BTNL2: variants seen among roughly 807,000 people sequenced by gnomAD.
The protein encoded by BTNL2 is butyrophilin like 2.
BTNL2 carries 46 observed loss-of-function variants against 46.8 expected under a neutral mutation model. The observed-to-expected ratio is 0.98, with a 90% CI of 0.78 to 1.26. The LOEUF is 1.26. Ranked by LOEUF, BTNL2 falls within the 50% of genes most tolerant of loss-of-function variation. The pLI, the probability that BTNL2 is intolerant of heterozygous loss-of-function variation, is 0.00. For missense variants in BTNL2, 461 were observed against 592.6 expected (o/e 0.78, Z 2.31); for synonymous variants, 226 against 229.1 (o/e 0.99, Z 0.12).
rs138737580 is a variant in BTNL2, at chr6:32,402,281, A to G, written c.710-476T>C. Among the ~76,000 whole-genome samples the G allele has an allele frequency of 5.3e-3, 809 of 152,310 alleles. 9 individuals carry two copies. The highest frequency in any genetic ancestry group is 0.018 in the African/African-American group (764 of 41,564). On this transcript the variant is annotated intron_variant, in intron 3 of 7. Coordinates refer to ENST00000454136, the MANE Select transcript of BTNL2 (RefSeq NM_001304561.2). ...TATGAATAACTGTATACTTATATCC[A>G]AATGTGGAGGGTATCCTGAAAGTTT...
At chr6:32,404,728 G>A (rs1160518920) in intron 2 of BTNL2, among the ~76,000 whole-genome samples, 1 of 152,168 alleles carries the variant, frequency 6.6e-6, no homozygotes, top group Non-Finnish European at 1.5e-5. Context: ...CTCAAGAACA[G>A]TCAAAACTGT....
Position 32,404,999 on chromosome 6 carries a change from A to C in BTNL2, c.367T>G (p.Trp123Gly). The C allele has an allele frequency of 6.2e-7, 1 of 1,613,122 alleles. No homozygotes were observed. ...TAGTTCCCATCCTGGAAATGGCACC[A>C]GTATTGTCCATTGTCGGAGGGCTGG... ...NIQPSDNGQYWCHFQDGNYCG... is the reference protein window; with the variant it reads ...NIQPSDNGQYGCHFQDGNYCG... Residue 123 changes from tryptophan (W) to glycine (G), a missense_variant, in exon 2 of 8, where the codon TGG becomes GGG. Coordinates refer to ENST00000454136, the MANE Select transcript of BTNL2 (RefSeq NM_001304561.2).
In BTNL2 at chr6:32,394,038, C is replaced by T. The variant is rs1031476031; in HGVS notation, c.1380G>A (p.Leu460=). The T allele has an allele frequency of 7.7e-6, 12 of 1,550,030 alleles. No homozygotes were observed. The Admixed American group carries it at 2.2e-4, about 28-fold the overall frequency. Residue 460 remains leucine, a synonymous_variant, in exon 7 of 8, where the codon TTG becomes TTA. Transcript: ENST00000454136. The surrounding 1 kb of genome is among the most constrained non-coding windows in gnomAD (Gnocchi z 4.6). ...ATCCCCAAACAAGCAGTGTTTTCCA[C>T]AAAAACGTCATCCTGGACTCTAAAA... ...FSLSESRMTF[L]WKTLLVWGLL... is the part of the protein sequence containing the mutation.
chr6:32,393,961 A>AG lies in BTNL2; in HGVS notation c.*6+1_*6+2insC. ...TCCGCTGTTTCTGTTTCCCTGACTT[A>AG]CCTCTTTTCAGCTCCTCTTCCTGGG... On this transcript the variant is annotated splice_donor_variant, in intron 7 of 7. Transcript: ENST00000454136. LOFTEE classifies it low-confidence loss of function (3UTR_SPLICE). The surrounding 1 kb of genome is among the most constrained non-coding windows in gnomAD (Gnocchi z 4.8). 1 of 1,545,268 alleles carries AG rather than the reference A, an allele frequency of 6.5e-7. No homozygotes were observed. The highest frequency in any genetic ancestry group is 8.7e-7 in the Non-Finnish European group (1 of 1,145,020).
In BTNL2 at chr6:32,405,093, G is replaced by T; in HGVS notation, c.273C>A (p.Tyr91Ter). 1 of 1,612,990 alleles carries T rather than the reference G, an allele frequency of 6.2e-7. No homozygotes were observed. Among genetic ancestry groups the T allele is most frequent in the Non-Finnish European group, 8.5e-7 (1 of 1,180,030 alleles). The change falls in exon 2 of 8, where the codon TAC becomes TAA. Residue 91 changes from tyrosine to a stop codon, truncating the protein, a stop_gained. Transcript: ENST00000454136. LOFTEE classifies it high-confidence loss of function. ...VEVTEMQMEE[Y>*]RGWVEWIENG... is the part of the protein sequence containing the mutation. ...TCTCTATCCACTCTACCCAGCCTCT[G>T]TACTCCTCCATCTGCATCTCAGTCA...
Position 32,396,390 on chromosome 6 carries a change from TTAAA to T in BTNL2, c.731-8_731-5del, listed in dbSNP as rs1333951008. 4 of 1,608,438 alleles carry T rather than the reference TTAAA, an allele frequency of 2.5e-6. No individual in the cohort carries two copies. The highest frequency in any genetic ancestry group is 3.4e-6 in the Non-Finnish European group (4 of 1,176,954). ...GGTCCATTCACTTTTAAAGAAGCTG[TTAAA>T]TAGAGTGGACAAAACACAATGAAAG... On this transcript the variant is annotated splice_region_variant and splice_polypyrimidine_tract_variant and intron_variant, in intron 4 of 7. Transcript: ENST00000454136. This position sits in a 1 kb window ranked among gnomAD's most constrained non-coding sequence, Gnocchi z 4.4.
At chr6:32,400,760 A>AAAAAAAAAAAAAAAAAAC (rs1390075841) in intron 4 of BTNL2, among the ~76,000 whole-genome samples, 1 of 115,836 alleles carries the variant, frequency 8.6e-6, no homozygotes, top group African/African-American at 3.1e-5. Context: ...AAAAAAAAAA[A>AAAAAAAAAAAAAAAAAAC]AAATTAGCTG....
At position 32,399,978 on chromosome 6, in the gene BTNL2, G is replaced by A. The variant is rs1354742115; in HGVS notation, c.730+1807C>T. Reference sequence around the variant, plus strand: ...GTGTTGGTTAATTGTGGCCCCGGAGGTTACCATGACTTAGGAACAACAGGA... The same window carrying A: ...GTGTTGGTTAATTGTGGCCCCGGAGATTACCATGACTTAGGAACAACAGGA... On this transcript the variant is annotated intron_variant, in intron 4 of 7. Coordinates refer to ENST00000454136, the MANE Select transcript of BTNL2 (RefSeq NM_001304561.2). This position sits in a 1 kb window ranked among gnomAD's most constrained non-coding sequence, Gnocchi z 5.2. 6.6e-6 allele frequency among the ~76,000 whole-genome samples: 1 copy of A among 152,102 alleles called. No homozygotes were observed. Among genetic ancestry groups the A allele is most frequent in the Non-Finnish European group, 1.5e-5 (1 of 68,028 alleles).
intron 4 of BTNL2, among the ~76,000 whole-genome samples, chr6:32,398,921 T>G (rs956707911): frequency 1.2e-5 from 1 of 84,392 alleles, no homozygotes; most frequent in African/African-American, 3.8e-5. Flanking sequence ...CCTAACCCAC[T>G]TTTTTTTTCT....
rs747450880 is a variant in BTNL2 at position 32,401,774 on chromosome 6, C to G, written c.730+11G>C. On this transcript the variant is annotated intron_variant, in intron 4 of 7. Transcript: ENST00000454136. Reference sequence around the variant, plus strand: ...TCCCTCCACAGGTGTGTGCCAGCACCTCGTACTTACCCAGCTCAGTCTGGA... The same window carrying G: ...TCCCTCCACAGGTGTGTGCCAGCACGTCGTACTTACCCAGCTCAGTCTGGA... 10 of 1,611,732 alleles carry G rather than the reference C, an allele frequency of 6.2e-6. No individual in the cohort carries two copies. The African/African-American group carries it at 1.3e-4, about 22-fold the overall frequency.
At chr6:32,395,092 G>T in intron 5 of BTNL2, 67 bp from the exon 6 acceptor site, 2 of 1,476,810 alleles carry the variant, frequency 1.4e-6, no homozygotes, top group South Asian at 1.4e-5. Context: ...CAATTTCACT[G>T]GGAGGAAAGA....
Position 32,394,102 on chromosome 6 carries a change from C to A in BTNL2, c.1361-45G>T, listed in dbSNP as rs181537383. 6 of 1,546,608 alleles carry A rather than the reference C, an allele frequency of 3.9e-6. No individual in the cohort carries two copies. The African/African-American group carries it at 5.5e-5, about 14-fold the overall frequency. ...ATCCCTTGAAACTGTGAAACTGGGA[C>A]AATATTAAGATTGTACTTTTCATCT... is the stretch of plus-strand genomic sequence containing the variant. On this transcript the variant is annotated intron_variant, in intron 6 of 7. Coordinates refer to ENST00000454136, the MANE Select transcript of BTNL2 (RefSeq NM_001304561.2). This position sits in a 1 kb window ranked among gnomAD's most constrained non-coding sequence, Gnocchi z 4.6.
chr6:32,394,831 C>T lies in BTNL2; in HGVS notation c.1273G>A (p.Val425Ile), dbSNP rs1251073305. The T allele has an allele frequency of 2.5e-6, 4 of 1,614,096 alleles. No homozygotes were observed. Among genetic ancestry groups the T allele is most frequent in the African/African-American group, 1.3e-5 (1 of 74,930 alleles). Residue 425 changes from valine to isoleucine, a missense_variant, in exon 6 of 8, where the codon GTC (valine) becomes ATC (isoleucine). Val to Ile is a conservative substitution (Grantham distance 29). Transcript: ENST00000454136. This position sits in a 1 kb window ranked among gnomAD's most constrained non-coding sequence, Gnocchi z 4.6. ...GLFHVQTLLR[V>I]TNISAVDVTC... ...ACGTCCACAGCGGAGATGTTTGTGA[C>T]CCTTAGCAATGTCTGCACGTGGAAC... is the stretch of plus-strand genomic sequence containing the variant.
At chr6:32,406,831 G>A in intron 1 of BTNL2, 3 of 465,188 alleles carry the variant, frequency 6.4e-6, no homozygotes, top group South Asian at 7.2e-5. Context: ...AAAGAACTAA[G>A]GTATGAGGTG....
chr6:32,395,451 C>T (rs1210601119), intron 5 of BTNL2, among the ~76,000 whole-genome samples: 4 of 152,134 alleles, frequency 2.6e-5, no homozygotes, highest in Non-Finnish European at 5.9e-5. Flanking sequence ...CATGGCTAAA[C>T]GTGTTTATTA....
At position 32,402,847 on chromosome 6, in the gene BTNL2, C is replaced by T. The variant is rs142820929; in HGVS notation, c.709+88G>A. 5.4e-3 allele frequency: 7,220 copies of T among 1,344,620 alleles called. 30 individuals carry two copies. Among genetic ancestry groups the T allele is most frequent in the Non-Finnish European group, 6.5e-3 (6,324 of 977,620 alleles). The allele number at this position is 1,344,620 out of a possible 1,614,324, so 83.3% of individuals were successfully genotyped here. ...TATTGCTATATGATAGATAATGTCT[C>T]TTGATAAAAATACGAGGTGCTATGG... On this transcript the variant is annotated intron_variant, in intron 3 of 7. Coordinates refer to ENST00000454136, the MANE Select transcript of BTNL2 (RefSeq NM_001304561.2).
Position 32,394,151 on chromosome 6 carries a change from A to G in BTNL2, c.1361-94T>C, listed in dbSNP as rs775749101. 22 of 1,496,472 alleles carry G rather than the reference A, an allele frequency of 1.5e-5. No individual in the cohort carries two copies. Among genetic ancestry groups the G allele is most frequent in the Non-Finnish European group, 1.9e-5 (21 of 1,118,834 alleles). The allele number at this position is 1,496,472 out of a possible 1,614,324, so 92.7% of individuals were successfully genotyped here. On this transcript the variant is annotated intron_variant, in intron 6 of 7. Coordinates refer to ENST00000454136, the MANE Select transcript of BTNL2 (RefSeq NM_001304561.2). The surrounding 1 kb of genome is among the most constrained non-coding windows in gnomAD (Gnocchi z 4.6). The stretch of plus-strand genomic sequence containing the variant: ...CTGAGCAGCTTCTAGGCTGGAGAGA[A>G]GGGAGAGAATTTGGCCTCCCAGGAA...
At chr6:32,406,957 A>G in intron 1 of BTNL2, 88 bp downstream of exon 1, 2 of 1,270,532 alleles carry the variant, frequency 1.6e-6, no homozygotes, top group Non-Finnish European at 2.2e-6. Context: ...CCCCAGACTT[A>G]CACTCTTAGA....
intron 5 of BTNL2, among the ~76,000 whole-genome samples, chr6:32,395,511 G>A (rs1366566690): frequency 6.6e-6 from 1 of 152,054 alleles, no homozygotes; most frequent in South Asian, 2.1e-4. Context: ...CCAAGACTTG[G>A]GCCTATATGT....
Sources: gnomAD v4.1 joint callset for allele counts (sites outside exome capture counted in the v4.1 genomes callset) on GRCh38, gnomAD v4.1.1 for gene constraint, Gnocchi (gnomAD v3.1) non-coding constraint, MANE v1.5 for transcripts, NCBI Gene and HGNC (gene_info 2026-07-23, HGNC 2026-07-21) for gene names.